The following MCC variants were observed in gnomAD, a reference collection of about 807,000 sequenced individuals.
MCC encodes the protein MCC regulator of Wnt signaling pathway.
MCC carries 90 observed loss-of-function variants against 116.2 expected under a neutral mutation model. That is an observed-to-expected ratio of 0.77 (90% CI 0.65 to 0.92). The LOEUF (loss-of-function observed/expected upper bound fraction) is 0.92, where lower values mean the gene tolerates loss of function less well. MCC is among the 40% of genes least tolerant of loss of function. The pLI is 0.00. For synonymous variants in MCC, 578 were observed against 510.5 expected (o/e 1.13, Z -1.78); for missense variants, 1,516 against 1,312.2 (o/e 1.16, Z -2.40).
At chr5:113,396,273 A>G (rs1029260305) in intron 1 of MCC, among the ~76,000 whole-genome samples, 5 of 152,140 alleles carry the variant, frequency 3.3e-5, no homozygotes, top group African/African-American at 1.2e-4. Flanking sequence ...AGCTGCAGTG[A>G]GCCCTCATTG....
intron 3 of MCC, among the ~76,000 whole-genome samples, chr5:113,337,895 C>A (rs946655288): frequency 6.6e-6 from 1 of 152,188 alleles, no homozygotes; most frequent in East Asian, 1.9e-4. Context: ...TCGGGCTCTA[C>A]AGACCCTTCT....
chr5:113,068,017 CAG>C lies in MCC; in HGVS notation c.2029+61_2029+62del, dbSNP rs1423764559. 10 of 1,415,314 alleles carry C rather than the reference CAG, an allele frequency of 7.1e-6. No homozygotes were observed. The East Asian group carries it at 1.1e-4, about 16-fold the overall frequency. The allele number at this position is 1,415,314 out of a possible 1,614,324, so 87.7% of individuals were successfully genotyped here. A position where few individuals can be genotyped will look rare whatever the true frequency, so the allele number is the denominator to read the frequency against. The stretch of plus-strand genomic sequence containing the variant: ...GATGATTCAATGCCAGTTGCTGAGA[CAG>C]GGGCAGAAGCAAAGGAGGCAGGGAG... On this transcript the variant is annotated intron_variant, in intron 13 of 18. Transcript: ENST00000408903.
chr5:113,416,227 G>T (rs926170087), intron 1 of MCC, among the ~76,000 whole-genome samples: 1 of 152,176 alleles, frequency 6.6e-6, no homozygotes, highest in African/African-American at 2.4e-5. Context: ...ATAAGGTCCC[G>T]ACTTTTCTGT....
chr5:113,243,970 A>G (rs1332594018), intron 3 of MCC, among the ~76,000 whole-genome samples: 2 of 152,256 alleles, frequency 1.3e-5, no homozygotes, highest in South Asian at 2.1e-4. Flanking sequence ...GAGCCATGCA[A>G]TGGATTGGAA....
chr5:113,070,989 T>G (rs1334399336), intron 12 of MCC, 105 bp downstream of exon 12: 1 of 1,340,404 alleles, frequency 7.5e-7, no homozygotes, highest in East Asian at 2.4e-5. Context: ...TGGTCCAAAC[T>G]GCCAGATATG....
chr5:113,033,015 G>A (rs189507604), intron 17 of MCC, among the ~76,000 whole-genome samples: 1 of 152,304 alleles, frequency 6.6e-6, no homozygotes, highest in African/African-American at 2.4e-5. Context: ...AGCCCCCAAG[G>A]CTGCTCTATG....
At chr5:113,067,312 C>T (rs1307003111) in intron 13 of MCC, among the ~76,000 whole-genome samples, 1 of 152,114 alleles carries the variant, frequency 6.6e-6, no homozygotes, top group Non-Finnish European at 1.5e-5. Flanking sequence ...CTTCTTTGTT[C>T]GTAAGACACC....
chr5:113,190,174 A>G (rs888614948), intron 3 of MCC, among the ~76,000 whole-genome samples: 1 of 152,216 alleles, frequency 6.6e-6, no homozygotes, highest in African/African-American at 2.4e-5. Context: ...TGTAAAGTGA[A>G]CTAAGTCCAT....
intron 11 of MCC, among the ~76,000 whole-genome samples, chr5:113,076,331 A>C (rs1419673704): frequency 3.3e-5 from 5 of 152,204 alleles, no homozygotes; most frequent in Non-Finnish European, 5.9e-5. Flanking sequence ...ACTCCTTGAG[A>C]AGAGCATCTC....
At chr5:113,046,684 G>GAAAAAAAAAAAA (rs1561749937) in intron 16 of MCC, among the ~76,000 whole-genome samples, 3 of 6,284 alleles carry the variant, frequency 4.8e-4, no homozygotes, top group African/African-American at 2.2e-3. Flanking sequence ...AACTCAAAAG[G>GAAAAAAAAAAAA]CAAAAAAAAA....
chr5:113,186,613 T>G (rs1761909792), intron 3 of MCC, among the ~76,000 whole-genome samples: 1 of 152,100 alleles, frequency 6.6e-6, no homozygotes, highest in Non-Finnish European at 1.5e-5. Flanking sequence ...AAATGCAACT[T>G]AAAATATTTT....
chr5:113,433,395 G>C, intron 1 of MCC: 1 of 536,924 alleles, frequency 1.9e-6, no homozygotes, highest in South Asian at 1.7e-5. Flanking sequence ...GTGGACAGCG[G>C]TGCCTTCCTG....
At chr5:113,074,318 CCTGA>C (rs1445818437) in intron 11 of MCC, among the ~76,000 whole-genome samples, 1 of 152,190 alleles carries the variant, frequency 6.6e-6, no homozygotes, top group African/African-American at 2.4e-5. Flanking sequence ...AGCTGAGGGT[CCTGA>C]CTATTAGAAG....
intron 3 of MCC, among the ~76,000 whole-genome samples, chr5:113,213,880 C>A (rs1763217616): frequency 6.6e-6 from 1 of 152,192 alleles, no homozygotes; most frequent in Non-Finnish European, 1.5e-5. Flanking sequence ...ATCAGCTAAT[C>A]CTTAAGTCCT....
intron 3 of MCC, among the ~76,000 whole-genome samples, chr5:113,265,813 T>C (rs77221762): frequency 0.014 from 2,141 of 152,148 alleles, 58 homozygotes; most frequent in African/African-American, 0.049. Context: ...AGGAGTAGAA[T>C]CATACCCCGT....
At chr5:113,193,776 G>C (rs1419590304) in intron 3 of MCC, among the ~76,000 whole-genome samples, 1 of 152,070 alleles carries the variant, frequency 6.6e-6, no homozygotes, top group Non-Finnish European at 1.5e-5. Flanking sequence ...TTGTTTATGG[G>C]GTCAATTTGT....
intron 6 of MCC, among the ~76,000 whole-genome samples, chr5:113,116,553 G>A (rs1757405849): frequency 1.3e-5 from 2 of 152,222 alleles, no homozygotes; most frequent in Non-Finnish European, 2.9e-5. Flanking sequence ...CCCAAGAATT[G>A]TGGGAGCTCA....
chr5:113,047,888 A>G (rs962046504), intron 16 of MCC, among the ~76,000 whole-genome samples: 10 of 151,446 alleles, frequency 6.6e-5, no homozygotes, highest in Middle Eastern at 7.0e-3. Flanking sequence ...GCAAAATTCT[A>G]TCACCAGACA....
At chr5:113,039,794 C>A (rs1751575158) in intron 17 of MCC, among the ~76,000 whole-genome samples, 1 of 135,230 alleles carries the variant, frequency 7.4e-6, no homozygotes, top group South Asian at 2.4e-4. Context: ...CGGAGATGAA[C>A]TAGTCTGCTC....
Sources: gnomAD v4.1 joint callset for allele counts (sites outside exome capture counted in the v4.1 genomes callset) on GRCh38, gnomAD v4.1.1 for gene constraint, MANE v1.5 for transcripts, NCBI Gene and HGNC (gene_info 2026-07-23, HGNC 2026-07-21) for gene names.